Variants in RGS22 observed in about 807,000 individuals in gnomAD.
RGS22 encodes regulator of G protein signaling 22.
Under a neutral mutation model 172.9 loss-of-function variants are expected in RGS22, and 148 were observed. That is an observed-to-expected ratio of 0.86 (90% CI 0.75 to 0.98). The LOEUF is 0.98. RGS22 is among the 50% of genes least tolerant of loss of function. The pLI, the probability that RGS22 is intolerant of heterozygous loss-of-function variation, is 0.00. For missense variants in RGS22, 1,347 were observed against 1,440.8 expected, an observed-to-expected ratio of 0.93 and a Z score of 1.05; for synonymous variants, 458 against 480.2, an observed-to-expected ratio of 0.95 and a Z score of 0.60.
intron 9 of RGS22, among the ~76,000 whole-genome samples, chr8:100,061,170 A>G (rs183202323): frequency 6.6e-6 from 1 of 152,316 alleles, no homozygotes; most frequent in Admixed American, 6.5e-5. Context: ...TTAACACAAA[A>G]AGACTTAAAT....
intron 14 of RGS22, among the ~76,000 whole-genome samples, chr8:100,019,987 C>T (rs1026513853): frequency 1.6e-4 from 24 of 151,726 alleles, no homozygotes; most frequent in African/African-American, 5.6e-4. Context: ...CAGGTTCAAG[C>T]AATTCTCCTG....
chr8:100,031,739 T>A (rs1818836951), intron 14 of RGS22, among the ~76,000 whole-genome samples: 1 of 152,160 alleles, frequency 6.6e-6, no homozygotes, highest in African/African-American at 2.4e-5. Context: ...CAAAAGACAG[T>A]AGTCCTCAGG....
intron 9 of RGS22, among the ~76,000 whole-genome samples, chr8:100,059,050 T>G (rs984285145): frequency 1.3e-5 from 2 of 152,176 alleles, no homozygotes; most frequent in Non-Finnish European, 2.9e-5. Flanking sequence ...CTTGTGTGTT[T>G]ATGCAGTGTT....
chr8:99,985,528 T>C (rs761130772), intron 21 of RGS22, among the ~76,000 whole-genome samples: 1 of 152,222 alleles, frequency 6.6e-6, no homozygotes, highest in African/African-American at 2.4e-5. Context: ...ATCAACATTA[T>C]TTCCTAATAT....
Position 99,965,412 on chromosome 8 carries a change from C to T in RGS22, c.3538G>A (p.Ala1180Thr), listed in dbSNP as rs866390612. 1 of 1,611,064 alleles carries T rather than the reference C, an allele frequency of 6.2e-7. No homozygotes were observed. The highest frequency in any genetic ancestry group is 1.3e-5 in the African/African-American group (1 of 74,982). ...TTGATAGCAGGCACTGAAGTATTTG[C>T]ATATTGTTTGATTCCATCCTGTAAT... ...KSGKDGIKQY[A>T]NTSVPAIKTA... The change falls in exon 24 of 28, where the codon GCA becomes ACA. Residue 1180 changes from alanine (A) to threonine (T), a missense_variant. Transcript: ENST00000360863.
At chr8:100,076,707 T>C (rs919784340) in intron 4 of RGS22, among the ~76,000 whole-genome samples, 4 of 152,122 alleles carry the variant, frequency 2.6e-5, no homozygotes, top group Non-Finnish European at 5.9e-5. Flanking sequence ...TTAAGAAATA[T>C]GTGGGCCGGG....
At chr8:100,054,370 G>A (rs1228254477) in intron 9 of RGS22, 1 of 154,180 alleles carries the variant, frequency 6.5e-6, no homozygotes, top group Non-Finnish European at 1.5e-5. Context: ...ATGGTGGGAG[G>A]ATTGCTTGAG....
chr8:100,075,270 C>T (rs1811269407), intron 4 of RGS22, among the ~76,000 whole-genome samples: 1 of 152,064 alleles, frequency 6.6e-6, no homozygotes, highest in African/African-American at 2.4e-5. Context: ...TCTTGGTGTC[C>T]TCCTCATGGT....
chr8:99,990,318 C>T (rs1813581842), intron 20 of RGS22, among the ~76,000 whole-genome samples: 1 of 152,040 alleles, frequency 6.6e-6, no homozygotes, highest in African/African-American at 2.4e-5. Flanking sequence ...ATTCCAAGGG[C>T]CGATGGGAAG....
At chr8:100,042,001 A>G (rs749759158) in intron 11 of RGS22, 85 bp from the exon 12 acceptor site, 3 of 735,214 alleles carry the variant, frequency 4.1e-6, no homozygotes, top group Non-Finnish European at 7.0e-6. Context: ...TGGTATACAT[A>G]GCACCGAATC....
At chr8:99,962,846 G>T in intron 25 of RGS22, 39 bp downstream of exon 25, 3 of 1,578,296 alleles carry the variant, frequency 1.9e-6, no homozygotes, top group Non-Finnish European at 2.6e-6. Flanking sequence ...TGTGATAAAA[G>T]ATAAAAAAGT....
At position 100,035,859 on chromosome 8, in the gene RGS22, C is replaced by G. The variant is rs530314808; in HGVS notation, c.2166+3072G>C. Among the ~76,000 whole-genome samples the G allele has an allele frequency of 3.3e-5, 5 of 152,152 alleles. No homozygotes were observed. In the South Asian group the frequency reaches 1.0e-3, roughly 32 times the overall value. Reference sequence around the variant, plus strand: ...CATTCTCAGCAAACTATCACAAGGACAGAAAACCAAACACTGCATGTTCTC... The same window carrying G: ...CATTCTCAGCAAACTATCACAAGGAGAGAAAACCAAACACTGCATGTTCTC... On this transcript the variant is annotated intron_variant, in intron 14 of 27. Coordinates refer to ENST00000360863, the MANE Select transcript of RGS22 (RefSeq NM_015668.5).
At chr8:100,066,493 T>C (rs544023884) in intron 6 of RGS22, among the ~76,000 whole-genome samples, 197 bp from the exon 7 acceptor site, 4 of 151,810 alleles carry the variant, frequency 2.6e-5, no homozygotes, top group African/African-American at 9.7e-5. Context: ...TCAATCCAGA[T>C]TTTTTTTTCA....
chr8:99,980,036 G>C (rs1812381830), intron 22 of RGS22, among the ~76,000 whole-genome samples: 1 of 152,230 alleles, frequency 6.6e-6, no homozygotes, highest in Non-Finnish European at 1.5e-5. Flanking sequence ...GATGTAGCTA[G>C]AGAGATATCT....
At chr8:100,086,832 A>T (rs1322024689) in intron 3 of RGS22, among the ~76,000 whole-genome samples, 8 of 152,168 alleles carry the variant, frequency 5.3e-5, no homozygotes, top group Non-Finnish European at 1.0e-4. Context: ...ACGCATGCAC[A>T]TGTTTAAGAA....
chr8:100,017,713 G>T (rs1307634188), intron 14 of RGS22, among the ~76,000 whole-genome samples: 1 of 152,000 alleles, frequency 6.6e-6, no homozygotes, highest in Non-Finnish European at 1.5e-5. Context: ...ATTTTAAGTT[G>T]ATATAAATTG....
intron 23 of RGS22, among the ~76,000 whole-genome samples, chr8:99,975,797 C>T (rs1811864015): frequency 1.3e-5 from 2 of 152,170 alleles, no homozygotes; most frequent in South Asian, 4.1e-4. Flanking sequence ...GTCCTCCTTC[C>T]CTGGCTTGCC....
intron 20 of RGS22, among the ~76,000 whole-genome samples, chr8:99,988,231 A>G (rs989197029): frequency 6.6e-6 from 1 of 151,768 alleles, no homozygotes; most frequent in African/African-American, 2.4e-5. Context: ...TTATTAATAA[A>G]TTATTTTAAT....
chr8:100,022,981 TG>T (rs1817781129), intron 14 of RGS22, among the ~76,000 whole-genome samples: 1 of 152,128 alleles, frequency 6.6e-6, no homozygotes, highest in Admixed American at 6.5e-5. Flanking sequence ...CTACGTGCCT[TG>T]GCCTCCCAAA....
Sources: gnomAD v4.1 joint callset for allele counts (sites outside exome capture counted in the v4.1 genomes callset) on GRCh38, gnomAD v4.1.1 for gene constraint, MANE v1.5 for transcripts, NCBI Gene and HGNC (gene_info 2026-07-23, HGNC 2026-07-21) for gene names.